The following ATP10B variants were observed in gnomAD, a reference collection of about 807,000 sequenced individuals.
ATP10B encodes ATPase phospholipid transporting 10B (putative), also known as phospholipid-transporting ATPase VB.
A neutral mutation model predicts 141.2 loss-of-function variants in ATP10B; 122 were observed. The observed-to-expected ratio is 0.86, with a 90% CI of 0.75 to 1.00. ATP10B has a LOEUF of 1.00. ATP10B is among the 50% of genes least tolerant of loss of function. The pLI is 0.00. For synonymous variants in ATP10B, 685 were observed against 692.0 expected (o/e 0.99, Z 0.16); for missense variants, 1,876 against 1,825.3 (o/e 1.03, Z -0.51).
At chr5:160,765,130 G>A (rs1414404847) in intron 2 of ATP10B, among the ~76,000 whole-genome samples, 2 of 152,222 alleles carry the variant, frequency 1.3e-5, no homozygotes. Context: ...TCAATATTGT[G>A]AAAATGACCA....
At position 160,653,537 on chromosome 5, in the gene ATP10B, TATAC is replaced by T. The variant is rs1157817895; in HGVS notation, c.676-4285_676-4282del. Among the ~76,000 whole-genome samples the T allele has an allele frequency of 1.4e-3, 179 of 131,170 alleles. 5 individuals are homozygous for T. Among genetic ancestry groups the T allele is most frequent in the African/African-American group, 5.1e-3 (165 of 32,120 alleles). The allele number at this position is 131,170 out of a possible 152,430, so 86.1% of individuals were successfully genotyped here. A position where few individuals can be genotyped will look rare whatever the true frequency, so the allele number is the denominator to read the frequency against. ...AGGTAGTATATATACATATATTACA[TATAC>T]ATACATACATATATACATATATATT... is the stretch of plus-strand genomic sequence containing the variant. On this transcript the variant is annotated intron_variant, in intron 7 of 25. Transcript: ENST00000327245.
intron 1 of ATP10B, among the ~76,000 whole-genome samples, chr5:160,822,949 A>T (rs1409946338): frequency 7.0e-6 from 1 of 141,922 alleles, no homozygotes; most frequent in African/African-American, 2.6e-5. Flanking sequence ...CCTAGTACTT[A>T]TTAACACAAA....
At chr5:160,643,444 G>A (rs1330666212) in intron 9 of ATP10B, among the ~76,000 whole-genome samples, 1 of 152,180 alleles carries the variant, frequency 6.6e-6, no homozygotes, top group Non-Finnish European at 1.5e-5. Flanking sequence ...AACAACAGGT[G>A]CGTTGCGTAC....
chr5:160,865,903 TC>T, the ATP10B span, among the ~76,000 whole-genome samples: 1 of 151,988 alleles, frequency 6.6e-6, no homozygotes, highest in African/African-American at 2.4e-5. Context: ...AATTAAAAAG[TC>T]AAAAAACAAT....
the ATP10B span, among the ~76,000 whole-genome samples, chr5:160,921,007 C>A: frequency 6.6e-6 from 1 of 152,060 alleles, no homozygotes; most frequent in Middle Eastern, 3.2e-3. Context: ...ATTATACATG[C>A]AACACAAATC....
At chr5:160,656,231 T>C (rs1761484347) in intron 7 of ATP10B, among the ~76,000 whole-genome samples, 1 of 152,242 alleles carries the variant, frequency 6.6e-6, no homozygotes, top group African/African-American at 2.4e-5. Context: ...TTCTGTTTCA[T>C]CCTTTTTCTG....
chr5:160,581,142 T>C (rs192580209), intron 24 of ATP10B, among the ~76,000 whole-genome samples: 1 of 152,340 alleles, frequency 6.6e-6, no homozygotes, highest in Non-Finnish European at 1.5e-5. Flanking sequence ...TTTGTGTTTC[T>C]ATCTCCTTCA....
intron 17 of ATP10B, chr5:160,613,968 A>G (rs1043626260): frequency 1.3e-5 from 2 of 151,936 alleles, no homozygotes; most frequent in African/African-American, 4.8e-5. Context: ...GTTACGTTGG[A>G]TGCATATTGA....
chr5:160,823,018 A>G (rs1336241996), intron 1 of ATP10B, among the ~76,000 whole-genome samples: 4 of 124,958 alleles, frequency 3.2e-5, no homozygotes, highest in Non-Finnish European at 5.2e-5. Flanking sequence ...ATATATATAT[A>G]TATATATATA....
chr5:160,590,468 G>C (rs1021035938), intron 23 of ATP10B, among the ~76,000 whole-genome samples: 3 of 152,166 alleles, frequency 2.0e-5, no homozygotes, highest in African/African-American at 4.8e-5. Flanking sequence ...CCAGGAAGAA[G>C]ACATATATTG....
Position 160,620,349 on chromosome 5 carries a change from C to A in ATP10B, c.2414G>T (p.Cys805Phe). Residue 805 changes from cysteine (C) to phenylalanine (F), a missense_variant and splice_region_variant, in exon 15 of 26, where the codon TGC (cysteine) becomes TTC (phenylalanine). Physicochemically the swap from Cys to Phe is radical, Grantham distance 205. Transcript: ENST00000327245. ...AACCCTGGTAAGGCAGGACTCACCG[C>A]AGGCTGGGTCTTCCAGCAGGTCCAT... ...VIMDLLEDPA[C>F]VPDINMEKKL... 1 of 1,606,326 alleles carries A rather than the reference C, an allele frequency of 6.2e-7. No homozygotes were observed. Among genetic ancestry groups the A allele is most frequent in the Non-Finnish European group, 8.5e-7 (1 of 1,175,704 alleles).
At position 160,565,610 on chromosome 5, in the gene ATP10B, T is replaced by C. The variant is rs753091280; in HGVS notation, c.4229A>G (p.Asp1410Gly). ...TGAGGAGTCCCCTGAGCATGAGTCATCCCTCATGCACTCCGTGCCACATCT... is the reference window on the plus strand; with the variant it reads ...TGAGGAGTCCCCTGAGCATGAGTCACCCCTCATGCACTCCGTGCCACATCT... ...EQRCGTECMRDDSCSGDSSAQ... is the reference protein window; with the variant it reads ...EQRCGTECMRGDSCSGDSSAQ... Residue 1410 changes from aspartate (D) to glycine (G), a missense_variant, in exon 26 of 26, where the codon GAT becomes GGT. Physicochemically the swap from Asp to Gly is moderately conservative, Grantham distance 94. Coordinates refer to ENST00000327245, the MANE Select transcript of ATP10B (RefSeq NM_025153.3). The C allele has an allele frequency of 1.2e-6, 2 of 1,613,982 alleles. No individual in the cohort carries two copies. Among genetic ancestry groups the C allele is most frequent in the Non-Finnish European group, 1.7e-6 (2 of 1,179,986 alleles).
intron 6 of ATP10B, among the ~76,000 whole-genome samples, chr5:160,671,969 CTTT>C (rs70990741): frequency 0.055 from 3,751 of 68,162 alleles, 70 homozygotes; most frequent in East Asian, 0.16. Flanking sequence ...GCAATGCATC[CTTT>C]TTTTTTTTTT....
At position 160,687,952 on chromosome 5, in the gene ATP10B, G is replaced by A; in HGVS notation, c.123C>T (p.Asn41=). 2 of 1,614,158 alleles carry A rather than the reference G, an allele frequency of 1.2e-6. No individual in the cohort carries two copies. The highest frequency in any genetic ancestry group is 1.7e-6 in the Non-Finnish European group (2 of 1,180,036). Residue 41 remains asparagine (N), a synonymous_variant, in exon 5 of 26, where the codon AAC becomes AAT. Coordinates refer to ENST00000327245, the MANE Select transcript of ATP10B (RefSeq NM_025153.3). ...LSPEKGRQSY[N]LTQQRVVFPN... ...GGAACACGACCCGCTGCTGTGTCAA[G>A]TTGTAGCTCTGTCTCCCTTTCTCTG...
chr5:160,923,790 C>T, the ATP10B span, among the ~76,000 whole-genome samples: 1 of 152,198 alleles, frequency 6.6e-6, no homozygotes, highest in East Asian at 1.9e-4. Flanking sequence ...AAGCCAGTTA[C>T]TGAAATTATC....
intron 7 of ATP10B, among the ~76,000 whole-genome samples, chr5:160,655,091 A>G (rs1761388709): frequency 6.6e-6 from 1 of 152,162 alleles, no homozygotes. Flanking sequence ...AATTCCTCTG[A>G]AGGACTTAAT....
intron 1 of ATP10B, among the ~76,000 whole-genome samples, chr5:160,813,910 G>C (rs969318578): frequency 1.3e-5 from 2 of 152,202 alleles, no homozygotes; most frequent in Non-Finnish European, 2.9e-5. Context: ...CAACAGACCT[G>C]TAGCTGAGGG....
chr5:160,576,124 G>A (rs1366800128), intron 24 of ATP10B, among the ~76,000 whole-genome samples: 1 of 152,184 alleles, frequency 6.6e-6, no homozygotes, highest in Non-Finnish European at 1.5e-5. Flanking sequence ...ACCAATCACT[G>A]TGAATGGGGT....
intron 3 of ATP10B, among the ~76,000 whole-genome samples, chr5:160,693,769 C>T (rs1764214291): frequency 6.6e-6 from 1 of 152,208 alleles, no homozygotes; most frequent in South Asian, 2.1e-4. Flanking sequence ...TGACCTAGAT[C>T]CCTCGCATGC....
Sources: gnomAD v4.1 joint callset for allele counts (sites outside exome capture counted in the v4.1 genomes callset) on GRCh38, gnomAD v4.1.1 for gene constraint, MANE v1.5 for transcripts, NCBI Gene and HGNC (gene_info 2026-07-23, HGNC 2026-07-21) for gene names.